LSAMP: variants seen among roughly 807,000 people sequenced by gnomAD.
LSAMP encodes limbic system associated membrane protein, also known as limbic system-associated membrane protein.
In LSAMP, 7 loss-of-function variants were observed where a neutral mutation model predicts 38.6. The ratio of observed to expected loss-of-function variants is 0.18; its 90% CI spans 0.10 to 0.34. The LOEUF (loss-of-function observed/expected upper bound fraction) is 0.34. LSAMP is among the 10% of genes least tolerant of loss of function. The probability of loss-of-function intolerance (pLI) is 1.00; values close to 1 mark genes in which losing one functional copy is unlikely to be tolerated. For missense variants in LSAMP, 313 were observed against 420.0 expected (o/e 0.75, Z 2.23); for synonymous variants, 154 against 166.8 (o/e 0.92, Z 0.59).
chr3:115,906,032 C>G (rs938911547), intron 3 of LSAMP, among the ~76,000 whole-genome samples: 7 of 152,114 alleles, frequency 4.6e-5, no homozygotes, highest in Non-Finnish European at 1.0e-4. Context: ...CCTCTGACCA[C>G]TGGACCTTGA....
chr3:116,300,311 T>G (rs897937722), intron 1 of LSAMP, among the ~76,000 whole-genome samples: 9 of 152,204 alleles, frequency 5.9e-5, no homozygotes, highest in African/African-American at 2.2e-4. Context: ...AGAACTTGGC[T>G]ACAGTTCCCA....
Position 115,969,003 on chromosome 3 carries a change from C to G in LSAMP, c.514+50512G>C, listed in dbSNP as rs1431927085. 1.3e-5 allele frequency among the ~76,000 whole-genome samples: 2 copies of G among 152,190 alleles called. 1 individual carries two copies. The highest frequency in any genetic ancestry group is 2.9e-5 in the Non-Finnish European group (2 of 68,038). The stretch of plus-strand genomic sequence containing the variant: ...CACTGAGTTCCAATGCAAAGACCTA[C>G]AATCACTGAGCTCACCTTCCCCTAA... On this transcript the variant is annotated intron_variant, in intron 3 of 6. Coordinates refer to ENST00000490035, the MANE Select transcript of LSAMP (RefSeq NM_002338.5).
intron 2 of LSAMP, among the ~76,000 whole-genome samples, chr3:116,066,570 T>C (rs1424838360): frequency 3.9e-5 from 6 of 152,240 alleles, no homozygotes; most frequent in African/African-American, 1.4e-4. Flanking sequence ...GTTACCTTTT[T>C]TTCTGATACC....
intron 1 of LSAMP, among the ~76,000 whole-genome samples, chr3:116,182,392 A>AAT (rs1398923428): frequency 6.6e-6 from 1 of 151,220 alleles, no homozygotes; most frequent in African/African-American, 2.4e-5. Context: ...TATATATAGA[A>AAT]ATATATATAC....
intron 3 of LSAMP, among the ~76,000 whole-genome samples, chr3:115,941,899 A>G (rs1485614822): frequency 1.3e-5 from 2 of 150,354 alleles, no homozygotes; most frequent in East Asian, 1.9e-4. Context: ...AGATATGTTA[A>G]TTAATTTGGT....
intron 2 of LSAMP, among the ~76,000 whole-genome samples, chr3:116,079,387 G>A (rs952815787): frequency 2.6e-5 from 4 of 152,082 alleles, no homozygotes; most frequent in East Asian, 1.9e-4. Flanking sequence ...GGCTAAGTGC[G>A]GTGGCTTACG....
At chr3:116,027,289 T>G (rs139257139) in intron 2 of LSAMP, among the ~76,000 whole-genome samples, 26 of 152,194 alleles carry the variant, frequency 1.7e-4, no homozygotes, top group African/African-American at 6.0e-4. Context: ...GCAGCAATGG[T>G]TAGTACACGT....
intron 1 of LSAMP, among the ~76,000 whole-genome samples, chr3:116,240,251 A>T (rs1426490514): frequency 2.0e-5 from 3 of 152,170 alleles, no homozygotes; most frequent in Non-Finnish European, 2.9e-5. Context: ...TATTTATGAG[A>T]TCTATGAAGG....
chr3:116,121,271 A>C (rs1280127024), intron 1 of LSAMP, among the ~76,000 whole-genome samples: 5 of 152,190 alleles, frequency 3.3e-5, no homozygotes, highest in African/African-American at 1.2e-4. Flanking sequence ...CAACATCCAA[A>C]TATTAGGCCC....
chr3:116,228,071 T>C (rs2107624129), intron 1 of LSAMP, among the ~76,000 whole-genome samples: 1 of 152,220 alleles, frequency 6.6e-6, no homozygotes, highest in African/African-American at 2.4e-5. Flanking sequence ...GACTTTGCCT[T>C]CTAATGGGAG....
chr3:116,013,589 T>C (rs1160066630), intron 3 of LSAMP, among the ~76,000 whole-genome samples: 1 of 152,174 alleles, frequency 6.6e-6, no homozygotes, highest in Non-Finnish European at 1.5e-5. Context: ...GTAGATACAC[T>C]GTTATTTACT....
At chr3:116,266,751 C>T (rs61254748) in intron 1 of LSAMP, among the ~76,000 whole-genome samples, 34,588 of 151,748 alleles carry the variant, frequency 0.23, 4,558 homozygotes, top group African/African-American at 0.34. Flanking sequence ...AAAAAGATGA[C>T]ACAGGAAGAG....
At chr3:116,433,831 C>T (rs1207422914) in intron 1 of LSAMP, among the ~76,000 whole-genome samples, 1 of 152,126 alleles carries the variant, frequency 6.6e-6, no homozygotes, top group Non-Finnish European at 1.5e-5. Flanking sequence ...AGGATACTGA[C>T]CTCTTCACAG....
At chr3:116,221,828 C>T (rs9826129) in intron 1 of LSAMP, among the ~76,000 whole-genome samples, 150,524 of 151,820 alleles carry the variant, frequency 0.99, 74,631 homozygotes, top group Middle Eastern at 1. Context: ...CAACATTCTG[C>T]GTGATCCTAA....
At chr3:115,913,204 A>G (rs1937171618) in intron 3 of LSAMP, among the ~76,000 whole-genome samples, 2 of 152,234 alleles carry the variant, frequency 1.3e-5, no homozygotes, top group Admixed American at 6.5e-5. Context: ...TTTAATGTTG[A>G]TGATTAAATT....
intron 1 of LSAMP, among the ~76,000 whole-genome samples, chr3:116,280,471 C>T (rs2047114102): frequency 6.6e-6 from 1 of 152,204 alleles, no homozygotes; most frequent in African/African-American, 2.4e-5. Context: ...ACATTGCTCT[C>T]CTTCCCTAAA....
At chr3:116,110,052 G>A (rs1483490106) in intron 1 of LSAMP, among the ~76,000 whole-genome samples, 3 of 151,970 alleles carry the variant, frequency 2.0e-5, no homozygotes, top group Admixed American at 1.3e-4. Context: ...GTCGGGGTGT[G>A]GAAATAAGGA....
chr3:116,220,400 A>G (rs1022606333), intron 1 of LSAMP, among the ~76,000 whole-genome samples: 1 of 151,010 alleles, frequency 6.6e-6, no homozygotes, highest in Non-Finnish European at 1.5e-5. Flanking sequence ...CACACAAAAG[A>G]TACTTCTAAA....
chr3:115,921,598 T>TTACAGTATTTATTATACTGTATTACAA (rs1160863179), intron 3 of LSAMP, among the ~76,000 whole-genome samples: 13 of 152,132 alleles, frequency 8.5e-5, no homozygotes, highest in Non-Finnish European at 1.9e-4. Flanking sequence ...CATTGCAGTA[T>TTACAGTATTTATTATACTGTATTACAA]TACAGTATTC....
Sources: allele counts gnomAD v4.1 joint callset (sites outside exome capture counted in the v4.1 genomes callset), GRCh38; gene constraint gnomAD v4.1.1; transcripts MANE v1.5; gene names NCBI Gene and HGNC (gene_info 2026-07-23, HGNC 2026-07-21).